Variants in MYO9A observed in about 807,000 individuals in gnomAD.
The protein encoded by MYO9A is unconventional myosin-IXa.
In MYO9A, 103 loss-of-function variants were observed where a neutral mutation model predicts 293.3. That is an observed-to-expected ratio of 0.35 (90% CI 0.30 to 0.41). The LOEUF (loss-of-function observed/expected upper bound fraction) is 0.41. Ranked by LOEUF, MYO9A falls within the 10% of genes least tolerant of loss-of-function variation. MYO9A has a pLI of 1.00. For missense variants in MYO9A, 2,685 were observed against 3,033.0 expected (o/e 0.89, Z 2.69); for synonymous variants, 1,001 against 1,035.7 (o/e 0.97, Z 0.64).
intron 1 of MYO9A, among the ~76,000 whole-genome samples, chr15:72,048,006 C>T (rs1003369082): frequency 6.6e-5 from 10 of 151,644 alleles, no homozygotes; most frequent in Admixed American, 2.0e-4. Flanking sequence ...TCTCATACTA[C>T]TACATATTTG....
intron 18 of MYO9A, among the ~76,000 whole-genome samples, chr15:71,923,285 T>C (rs147133461): frequency 1.4e-3 from 218 of 152,334 alleles, no homozygotes; most frequent in South Asian, 0.014. Context: ...AGTAGTTTGT[T>C]GAGGATTTAT....
chr15:71,988,647 TTGA>T (rs2076464175), intron 11 of MYO9A, among the ~76,000 whole-genome samples: 1 of 152,182 alleles, frequency 6.6e-6, no homozygotes. Flanking sequence ...GATAGGAGAC[TTGA>T]TGATATAAAG....
Position 71,878,128 on chromosome 15 carries a change from G to A in MYO9A, c.5843C>T (p.Ser1948Phe). ...RLEQRDSLGESPVRVWVNTFK... is the reference protein window; with the variant it reads ...RLEQRDSLGEFPVRVWVNTFK... ...AGTGTTGACCCAAACTCTCACTGGA[G>A]ATTCACCCAGTGAATCACGCTGCTC... The change falls in exon 31 of 42, where the codon TCT (serine) becomes TTT (phenylalanine). Residue 1948 changes from serine to phenylalanine, a missense_variant. Transcript: ENST00000356056. 1 of 1,611,648 alleles carries A rather than the reference G, an allele frequency of 6.2e-7. No individual in the cohort carries two copies. The highest frequency in any genetic ancestry group is 8.5e-7 in the Non-Finnish European group (1 of 1,178,544).
intron 2 of MYO9A, among the ~76,000 whole-genome samples, chr15:72,037,753 T>C (rs1019340563): frequency 6.6e-6 from 1 of 152,096 alleles, no homozygotes; most frequent in Non-Finnish European, 1.5e-5. Context: ...AGGTGCCACA[T>C]CATTATTATT....
chr15:71,850,133 C>T lies in MYO9A; in HGVS notation c.6616G>A (p.Ala2206Thr), dbSNP rs745497574. 6.2e-7 allele frequency: 1 copy of T among 1,614,066 alleles called. No homozygotes were observed. Among genetic ancestry groups the T allele is most frequent in the Non-Finnish European group, 8.5e-7 (1 of 1,179,952 alleles). ...GCAAACACAATGGCCAAAGCATTAGCAGACATTCGATTAGTGTCTTCCTGC... is the reference window on the plus strand; with the variant it reads ...GCAAACACAATGGCCAAAGCATTAGTAGACATTCGATTAGTGTCTTCCTGC... ...ALQEDTNRMSANALAIVFAPC... is the reference protein window; with the variant it reads ...ALQEDTNRMSTNALAIVFAPC... Residue 2206 changes from alanine to threonine, a missense_variant, in exon 38 of 42, where the codon GCT (alanine) becomes ACT (threonine). Physicochemically the swap from Ala to Thr is moderately conservative, Grantham distance 58 (BLOSUM62 0). Coordinates refer to ENST00000356056, the MANE Select transcript of MYO9A (RefSeq NM_006901.4).
chr15:72,106,283 G>C (rs1215493588), intron 1 of MYO9A, among the ~76,000 whole-genome samples: 1 of 152,016 alleles, frequency 6.6e-6, no homozygotes. Flanking sequence ...TTCAAAACCA[G>C]CCTGGGCAAC....
intron 33 of MYO9A, among the ~76,000 whole-genome samples, chr15:71,860,879 A>T (rs2056087452): frequency 6.7e-6 from 1 of 150,056 alleles, no homozygotes; most frequent in Admixed American, 6.7e-5. Context: ...AGGCAGGACA[A>T]GCACTTAAAC....
chr15:72,114,908 C>G (rs2080913550), intron 1 of MYO9A, among the ~76,000 whole-genome samples: 1 of 152,130 alleles, frequency 6.6e-6, no homozygotes, highest in African/African-American at 2.4e-5. Context: ...ATTTTCAAAC[C>G]TCCTACATTT....
rs193019612 is a variant in MYO9A at position 72,029,541 on chromosome 15, T to C, written c.936-1748A>G. On this transcript the variant is annotated intron_variant, in intron 3 of 41. Transcript: ENST00000356056. Reference sequence around the variant, plus strand: ...GTATTAAAATCTCATAGGACTACCATAGTATATGAGGTCCATCATCTACTG... The same window carrying C: ...GTATTAAAATCTCATAGGACTACCACAGTATATGAGGTCCATCATCTACTG... 1.5e-3 allele frequency among the ~76,000 whole-genome samples: 221 copies of C among 152,332 alleles called. 1 individual carries two copies. The highest frequency in any genetic ancestry group is 5.1e-3 in the African/African-American group (212 of 41,582).
At chr15:71,895,773 A>G (rs1486051522) in intron 25 of MYO9A, among the ~76,000 whole-genome samples, 2 of 152,090 alleles carry the variant, frequency 1.3e-5, no homozygotes, top group Non-Finnish European at 2.9e-5. Context: ...AAATACACCT[A>G]CAACTATGTA....
chr15:71,827,157 G>A, intron 41 of MYO9A, 114 bp from the exon 42 acceptor site: 1 of 797,210 alleles, frequency 1.3e-6, no homozygotes, highest in Non-Finnish European at 1.9e-6. Context: ...AAGATTCAGA[G>A]GGTCCAGGAT....
In MYO9A at chr15:71,830,090, C is replaced by A; in HGVS notation, c.7040+19G>T. On this transcript the variant is annotated intron_variant, in intron 40 of 41. Transcript: ENST00000356056. Reference sequence around the variant, plus strand: ...AAAACAGACTATAACTGTCTCTCCCCTTCCTCCTGGATACTCACTTCTCCT... The same window carrying A: ...AAAACAGACTATAACTGTCTCTCCCATTCCTCCTGGATACTCACTTCTCCT... 2 of 1,611,626 alleles carry A rather than the reference C, an allele frequency of 1.2e-6. No homozygotes were observed. Among genetic ancestry groups the A allele is most frequent in the Non-Finnish European group, 8.5e-7 (1 of 1,178,144 alleles).
intron 9 of MYO9A, among the ~76,000 whole-genome samples, chr15:71,996,478 T>C (rs1212885196): frequency 6.6e-6 from 1 of 152,222 alleles, no homozygotes; most frequent in Non-Finnish European, 1.5e-5. Flanking sequence ...TGCATGTCTG[T>C]CTTTCATAGC....
Position 71,827,970 on chromosome 15 carries a change from G to C in MYO9A, c.7097C>G (p.Thr2366Ser). ...VLEPRASDDE[T>S]LESEASIGTA... Reference sequence around the variant, plus strand: ...CCCAATGGAGGCCTCAGACTCAAGGGTTTCATCATCAGAGGCACGGGGTTC... The same window carrying C: ...CCCAATGGAGGCCTCAGACTCAAGGCTTTCATCATCAGAGGCACGGGGTTC... The change falls in exon 41 of 42, where the codon ACC (threonine) becomes AGC (serine). Residue 2366 changes from threonine (T) to serine (S), a missense_variant. Thr to Ser is a moderately conservative substitution (Grantham distance 58). This residue lies in a region of MYO9A where 350 missense variants were observed against 328.9 expected (regional missense o/e 1.06). Coordinates refer to ENST00000356056, the MANE Select transcript of MYO9A (RefSeq NM_006901.4). 1 of 1,613,788 alleles carries C rather than the reference G, an allele frequency of 6.2e-7. No homozygotes were observed.
intron 19 of MYO9A, 108 bp from the exon 20 acceptor site, chr15:71,905,114 C>A: frequency 1.1e-6 from 1 of 894,036 alleles, no homozygotes; most frequent in Non-Finnish European, 1.6e-6. Context: ...AGTAGAGGTA[C>A]ACATAGAAAG....
intron 39 of MYO9A, among the ~76,000 whole-genome samples, chr15:71,847,904 G>A (rs2055460081): frequency 6.6e-6 from 1 of 152,096 alleles, no homozygotes; most frequent in Non-Finnish European, 1.5e-5. Context: ...TCTGTGCCAG[G>A]CAGATTAAAT....
chr15:71,848,653 A>G (rs1160527503), intron 39 of MYO9A, among the ~76,000 whole-genome samples, 192 bp downstream of exon 39: 3 of 152,234 alleles, frequency 2.0e-5, no homozygotes, highest in Non-Finnish European at 4.4e-5. Context: ...TTAATCACAT[A>G]GATTCTATAA....
At position 71,831,649 on chromosome 15, in the gene MYO9A, C is replaced by T. The variant is rs149198917; in HGVS notation, c.6838-1338G>A. Reference sequence around the variant, plus strand: ...ATGAATTAATCTCAGATTGCTAATACTTTAGGACCAGGCAGAAAAAAATGA... The same window carrying T: ...ATGAATTAATCTCAGATTGCTAATATTTTAGGACCAGGCAGAAAAAAATGA... On this transcript the variant is annotated intron_variant, in intron 39 of 41. Coordinates refer to ENST00000356056, the MANE Select transcript of MYO9A (RefSeq NM_006901.4). 2.6e-4 allele frequency among the ~76,000 whole-genome samples: 40 copies of T among 152,284 alleles called. No homozygotes were observed. In the East Asian group the frequency reaches 5.6e-3, roughly 21 times the overall value.
chr15:72,086,825 T>C (rs1419844202), intron 1 of MYO9A, among the ~76,000 whole-genome samples: 1 of 151,992 alleles, frequency 6.6e-6, no homozygotes, highest in South Asian at 2.1e-4. Context: ...TGGAGTGCAA[T>C]GGTGCAATCT....
Sources: allele counts gnomAD v4.1 joint callset (sites outside exome capture counted in the v4.1 genomes callset), GRCh38; gene constraint gnomAD v4.1.1; regional missense constraint gnomAD v4.1.1; transcripts MANE v1.5; gene names NCBI Gene and HGNC (gene_info 2026-07-23, HGNC 2026-07-21).